The following MGAT5 variants were observed in gnomAD, a reference collection of about 807,000 sequenced individuals.
MGAT5 encodes alpha-1,6-mannosylglycoprotein 6-beta-N-acetylglucosaminyltransferase A.
A neutral mutation model predicts 94.3 loss-of-function variants in MGAT5; 30 were observed. The ratio of observed to expected loss-of-function variants is 0.32; its 90% CI spans 0.24 to 0.43. MGAT5 has a LOEUF of 0.43. Among genes scored for constraint, MGAT5 ranks in the 20% least tolerant of loss-of-function variants. MGAT5 has a pLI of 1.00. For missense variants in MGAT5, 691 were observed against 905.5 expected (o/e 0.76, Z 3.04); for synonymous variants, 310 against 322.9 (o/e 0.96, Z 0.43).
At chr2:134,316,996 A>G (rs1214400212) in intron 2 of MGAT5, among the ~76,000 whole-genome samples, 1 of 152,292 alleles carries the variant, frequency 6.6e-6, no homozygotes, top group Non-Finnish European at 1.5e-5. Context: ...GCTGTATCCC[A>G]TGGATGCAGG....
chr2:134,286,929 G>A (rs1458999247), intron 2 of MGAT5, among the ~76,000 whole-genome samples: 2 of 152,200 alleles, frequency 1.3e-5, no homozygotes, highest in Non-Finnish European at 2.9e-5. Flanking sequence ...AAGCTGGTGG[G>A]ATTTGCTTCT....
At chr2:134,137,964 T>TC (rs1428629312) in intron 1 of MGAT5, among the ~76,000 whole-genome samples, 1 of 151,992 alleles carries the variant, frequency 6.6e-6, no homozygotes, top group Non-Finnish European at 1.5e-5. Context: ...AGATTTGTGT[T>TC]CAAGATTGTT....
intron 1 of MGAT5, among the ~76,000 whole-genome samples, chr2:134,181,242 G>C (rs1688718559): frequency 1.3e-5 from 2 of 152,164 alleles, no homozygotes; most frequent in Admixed American, 6.5e-5. Context: ...AGAGTCCAGG[G>C]ATGCTGCTAA....
At chr2:134,392,698 A>T (rs546197852) in intron 10 of MGAT5, among the ~76,000 whole-genome samples, 3 of 152,380 alleles carry the variant, frequency 2.0e-5, no homozygotes, top group African/African-American at 4.8e-5. Context: ...CACATCCATC[A>T]TCATGAAGCC....
intron 1 of MGAT5, among the ~76,000 whole-genome samples, chr2:134,189,607 T>TTTTGTTTTTTG (rs1553490427): frequency 3.7e-5 from 3 of 80,668 alleles, no homozygotes; most frequent in Admixed American, 1.4e-4. Flanking sequence ...TTTTTGTTTT[T>TTTTGTTTTTTG]TTTTTTTTTT....
chr2:134,161,227 T>C (rs528568056), intron 1 of MGAT5, among the ~76,000 whole-genome samples: 44 of 152,206 alleles, frequency 2.9e-4, no homozygotes, highest in African/African-American at 1.0e-3. Flanking sequence ...TGTCCTTGCA[T>C]TGATAACTGA....
At chr2:134,165,077 T>C (rs1260565810) in intron 1 of MGAT5, among the ~76,000 whole-genome samples, 1 of 152,216 alleles carries the variant, frequency 6.6e-6, no homozygotes, top group Non-Finnish European at 1.5e-5. Context: ...GTATCTGTGC[T>C]ATCCAGTATG....
intron 1 of MGAT5, among the ~76,000 whole-genome samples, chr2:134,176,254 C>T (rs1688458971): frequency 6.6e-6 from 1 of 151,896 alleles, no homozygotes; most frequent in African/African-American, 2.4e-5. Flanking sequence ...AGTTTTGGGA[C>T]TCTGGGAAGG....
chr2:134,318,589 C>T (rs1360825561), intron 3 of MGAT5, 61 bp from the exon 4 acceptor site: 22 of 1,235,724 alleles, frequency 1.8e-5, no homozygotes, highest in Non-Finnish European at 2.4e-5. Context: ...CCTCGCCTTC[C>T]CTGTCAGCAG....
intron 3 of MGAT5, 138 bp from the exon 4 acceptor site, chr2:134,318,512 C>T: frequency 3.0e-6 from 2 of 668,700 alleles, no homozygotes; most frequent in Non-Finnish European, 5.4e-6. Flanking sequence ...GACCTCGGCT[C>T]AGTGACCCTG....
At chr2:134,335,417 C>G (rs1191222903) in intron 4 of MGAT5, among the ~76,000 whole-genome samples, 1 of 152,146 alleles carries the variant, frequency 6.6e-6, no homozygotes, top group Non-Finnish European at 1.5e-5. Flanking sequence ...ACCAATATAA[C>G]TTTAATGCAT....
At chr2:134,145,265 G>A (rs1290311547) in intron 1 of MGAT5, among the ~76,000 whole-genome samples, 1 of 147,736 alleles carries the variant, frequency 6.8e-6, no homozygotes, top group Non-Finnish European at 1.5e-5. Context: ...CTGGAATGCG[G>A]GCTGGGCGCG....
intron 1 of MGAT5, among the ~76,000 whole-genome samples, chr2:134,257,233 T>TTTTG (rs985969306): frequency 1.3e-5 from 2 of 152,182 alleles, no homozygotes; most frequent in African/African-American, 2.4e-5. Context: ...GTTTTAGTTT[T>TTTTG]TTTGTTTGTT....
rs891884695 is a variant in MGAT5 at position 134,268,571 on chromosome 2, T to C, written c.242-1815T>C. The stretch of plus-strand genomic sequence containing the variant: ...CTGCAGACCGCAGAGGAGAGTGCTC[T>C]CATGACCCCTTGGATAAAGCAGTGA... On this transcript the variant is annotated intron_variant, in intron 1 of 15. Coordinates refer to ENST00000281923, the MANE Select transcript of MGAT5 (RefSeq NM_002410.5). The surrounding 1 kb of genome is among the most constrained non-coding windows in gnomAD (Gnocchi z 4.1). Among the ~76,000 whole-genome samples the C allele has an allele frequency of 2.6e-5, 4 of 152,222 alleles. No individual in the cohort carries two copies. Among genetic ancestry groups the C allele is most frequent in the Non-Finnish European group, 5.9e-5 (4 of 68,034 alleles).
intron 2 of MGAT5, among the ~76,000 whole-genome samples, chr2:134,308,579 T>C (rs1686470728): frequency 6.6e-6 from 1 of 152,228 alleles, no homozygotes; most frequent in South Asian, 2.1e-4. Context: ...ATGTTTTGTG[T>C]TTCTCTTTGC....
intron 4 of MGAT5, among the ~76,000 whole-genome samples, chr2:134,321,603 G>A (rs1458043785): frequency 1.3e-5 from 2 of 152,156 alleles, no homozygotes; most frequent in African/African-American, 4.8e-5. Context: ...ATCTGAGGCT[G>A]AGTATTTCAT....
chr2:134,310,542 T>C (rs1285150282), intron 2 of MGAT5, among the ~76,000 whole-genome samples: 1 of 152,156 alleles, frequency 6.6e-6, no homozygotes, highest in Non-Finnish European at 1.5e-5. Context: ...TAAACAAGTA[T>C]TTTCAAAGAT....
At chr2:134,188,549 T>C (rs1298377669) in intron 1 of MGAT5, among the ~76,000 whole-genome samples, 2 of 152,234 alleles carry the variant, frequency 1.3e-5, no homozygotes, top group Non-Finnish European at 2.9e-5. Context: ...TAGCTGTTAC[T>C]AAAAGGAAGA....
At chr2:134,340,234 A>C (rs1012171025) in intron 6 of MGAT5, among the ~76,000 whole-genome samples, 1 of 152,192 alleles carries the variant, frequency 6.6e-6, no homozygotes, top group African/African-American at 2.4e-5. Flanking sequence ...TTTAGTCTCT[A>C]AATGCTGTTT....
Sources: gnomAD v4.1 joint callset for allele counts (sites outside exome capture counted in the v4.1 genomes callset) on GRCh38, gnomAD v4.1.1 for gene constraint, Gnocchi (gnomAD v3.1) non-coding constraint, MANE v1.5 for transcripts, NCBI Gene and HGNC (gene_info 2026-07-23, HGNC 2026-07-21) for gene names.